DIAPH2: variants seen among roughly 807,000 people sequenced by gnomAD.
DIAPH2 encodes the protein diaphanous related formin 2.
In DIAPH2, 35 loss-of-function variants were observed where a neutral mutation model predicts 92.7. The ratio of observed to expected loss-of-function variants is 0.38; its 90% CI spans 0.29 to 0.50. The LOEUF is 0.50. Ranked by LOEUF, DIAPH2 falls within the 20% of genes least tolerant of loss-of-function variation. The pLI, the probability that DIAPH2 is intolerant of heterozygous loss-of-function variation, is 0.94. For synonymous variants in DIAPH2, 301 were observed against 280.4 expected (o/e 1.07, Z -0.73); for missense variants, 701 against 819.5 (o/e 0.86, Z 1.77).
At chrX:97,225,773 A>T (rs2067960367) in intron 22 of DIAPH2, among the ~76,000 whole-genome samples, 1 of 111,874 alleles carries the variant, frequency 8.9e-6, no homozygotes, top group Non-Finnish European at 1.9e-5. Context: ...TAAGAAAAAA[A>T]CCTAAATAAT....
chrX:96,806,880 A>G (rs774250588), intron 4 of DIAPH2, among the ~76,000 whole-genome samples: 100 of 107,474 alleles, frequency 9.3e-4, no homozygotes, highest in Middle Eastern at 5.0e-3. Flanking sequence ...AGCTGGGACT[A>G]CAGGCGCCCG....
Position 96,937,232 on chromosome X carries a change from G to A in DIAPH2, c.1090-1G>A. 9.5e-7 allele frequency: 1 copy of A among 1,056,285 alleles called. No homozygotes were observed. Among genetic ancestry groups the A allele is most frequent in the Non-Finnish European group, 1.3e-6 (1 of 775,666 alleles). 87.0% of individuals were successfully genotyped at this position (1,056,285 alleles called of 1,213,427 possible). The stretch of plus-strand genomic sequence containing the variant: ...TGTTAAATTTTATGTTTATATATTA[G>A]GATCTAAAAGAAAAAGAGAATGATG... On this transcript the variant is annotated splice_acceptor_variant, in intron 10 of 26. Transcript: ENST00000324765. LOFTEE classifies it high-confidence loss of function.
At chrX:96,952,804 A>C (rs1201403480) in intron 15 of DIAPH2, among the ~76,000 whole-genome samples, 1 of 111,185 alleles carries the variant, frequency 9.0e-6, no homozygotes, top group African/African-American at 3.3e-5. Flanking sequence ...AGAACTAAAT[A>C]ATCCAAGTAG....
At chrX:96,954,592 A>G (rs1481078242) in intron 15 of DIAPH2, among the ~76,000 whole-genome samples, 1 of 112,072 alleles carries the variant, frequency 8.9e-6, no homozygotes, top group Non-Finnish European at 1.9e-5. Context: ...TGAGGATGGT[A>G]TTAGATGTAA....
At chrX:97,501,812 T>G (rs983447897) in intron 26 of DIAPH2, among the ~76,000 whole-genome samples, 5 of 112,049 alleles carry the variant, frequency 4.5e-5, no homozygotes, top group Non-Finnish European at 9.4e-5. Flanking sequence ...TTTATTATTT[T>G]TTATTTTTGA....
At chrX:97,075,117 TTAA>T (rs776539782) in intron 18 of DIAPH2, 47 bp from the exon 19 acceptor site, 1 of 845,655 alleles carries the variant, frequency 1.2e-6, no homozygotes, top group African/African-American at 2.1e-5. Flanking sequence ...TATTAGGACT[TTAA>T]CATGTTGATG....
intron 22 of DIAPH2, among the ~76,000 whole-genome samples, chrX:97,171,175 A>G (rs149438013): frequency 1.1e-3 from 128 of 112,008 alleles, no homozygotes; most frequent in African/African-American, 3.9e-3. Flanking sequence ...TACCTGGCCT[A>G]TTTACATGAT....
intron 23 of DIAPH2, among the ~76,000 whole-genome samples, chrX:97,321,544 A>ATTTTTTTTTTTTTTTTTTTTTTTTTTT (rs72265655): frequency 2.1e-5 from 1 of 48,412 alleles, no homozygotes; most frequent in African/African-American, 7.7e-5. Flanking sequence ...TTGTGTTGTT[A>ATTTTTTTTTTTTTTTTTTTTTTTTTTT]TTTTTTTTTT....
chrX:97,277,828 A>T (rs982726141), intron 23 of DIAPH2, among the ~76,000 whole-genome samples: 1 of 112,074 alleles, frequency 8.9e-6, no homozygotes, highest in South Asian at 3.7e-4. Context: ...GAACATTTCC[A>T]TTCCAAAAAT....
intron 17 of DIAPH2, among the ~76,000 whole-genome samples, chrX:96,986,909 GT>G (rs1479190912): frequency 9.0e-6 from 1 of 111,578 alleles, no homozygotes; most frequent in Non-Finnish European, 1.9e-5. Context: ...TTTGCTGGTT[GT>G]GGAAAATACA....
chrX:97,502,786 T>G (rs1160939009), intron 26 of DIAPH2, among the ~76,000 whole-genome samples: 1 of 112,816 alleles, frequency 8.9e-6, no homozygotes, highest in African/African-American at 3.2e-5. Flanking sequence ...CCAAAACGTA[T>G]GGCTTTTTAA....
chrX:97,468,638 GA>G (rs10534345), intron 26 of DIAPH2, among the ~76,000 whole-genome samples: 43,432 of 89,212 alleles, frequency 0.49, 8,516 homozygotes, highest in African/African-American at 0.62. Flanking sequence ...AGGTCTTTGT[GA>G]AAAAAAAAAA....
intron 22 of DIAPH2, among the ~76,000 whole-genome samples, chrX:97,173,683 A>T (rs1212484382): frequency 9.0e-6 from 1 of 111,279 alleles, no homozygotes. Flanking sequence ...AGGTAGGCAA[A>T]TTACTTCAGC....
chrX:97,104,889 C>T (rs750280260), intron 20 of DIAPH2, among the ~76,000 whole-genome samples: 1 of 112,026 alleles, frequency 8.9e-6, no homozygotes, highest in South Asian at 3.7e-4. Flanking sequence ...TGAATCCCAG[C>T]ACTTTGGGAG....
At chrX:97,536,563 A>C (rs940753886) in intron 26 of DIAPH2, among the ~76,000 whole-genome samples, 5 of 112,036 alleles carry the variant, frequency 4.5e-5, no homozygotes, top group African/African-American at 1.6e-4. Flanking sequence ...TCAAATTACC[A>C]ATGTCTTCAA....
rs1219903191 is a variant in DIAPH2, at chrX:97,111,897, C to A, written c.2350-2829C>A. Among the ~76,000 whole-genome samples, 3 of 112,081 alleles carry A rather than the reference C, an allele frequency of 2.7e-5. No individual in the cohort carries two copies. The East Asian group carries it at 8.4e-4, about 31-fold the overall frequency. On this transcript the variant is annotated intron_variant, in intron 20 of 26. Transcript: ENST00000324765. ...TTTCTCATCTTTGGAATGAAAATAA[C>A]GATAACCGTTTCCTAGGATTGTTTT...
chrX:96,761,068 C>T lies in DIAPH2; in HGVS notation c.447+2810C>T, dbSNP rs1233851714. 9.9e-5 allele frequency among the ~76,000 whole-genome samples: 11 copies of T among 111,075 alleles called. No individual in the cohort carries two copies. The Admixed American group carries it at 1.1e-3, about 11-fold the overall frequency. ...TGTTTTCAGAAAATGGAAAACCAAG[C>T]TTTGTTAATATTGCAAAAGTTGTCC... On this transcript the variant is annotated intron_variant, in intron 4 of 26. Transcript: ENST00000324765.
chrX:97,508,426 G>C (rs1163375703), intron 26 of DIAPH2, among the ~76,000 whole-genome samples: 1 of 112,106 alleles, frequency 8.9e-6, no homozygotes, highest in Non-Finnish European at 1.9e-5. Context: ...TGTATGTGCT[G>C]ATTTACTTTC....
At chrX:96,828,771 A>G (rs2064831323) in intron 4 of DIAPH2, among the ~76,000 whole-genome samples, 1 of 112,020 alleles carries the variant, frequency 8.9e-6, no homozygotes, top group South Asian at 3.7e-4. Context: ...TCTGTGAATA[A>G]GTAAGCAAGC....
Sources: allele counts gnomAD v4.1 joint callset (sites outside exome capture counted in the v4.1 genomes callset), GRCh38; gene constraint gnomAD v4.1.1; transcripts MANE v1.5; gene names NCBI Gene and HGNC (gene_info 2026-07-23, HGNC 2026-07-21).